NCAPD3: variants seen among roughly 807,000 people sequenced by gnomAD.
The protein encoded by NCAPD3 is non-SMC condensin II complex subunit D3.
Under a neutral mutation model 182.9 loss-of-function variants are expected in NCAPD3, and 105 were observed. That is an observed-to-expected ratio of 0.57 (90% CI 0.49 to 0.68). NCAPD3 has a LOEUF of 0.68. NCAPD3 is among the 30% of genes least tolerant of loss of function. NCAPD3 has a pLI of 0.00. For synonymous variants in NCAPD3, 815 were observed against 679.9 expected, an observed-to-expected ratio of 1.20 and a Z score of -3.09; for missense variants, 1,944 against 1,837.0, an observed-to-expected ratio of 1.06 and a Z score of -1.07.
At chr11:134,223,393 G>C (rs1289337778) in intron 1 of NCAPD3, 2 of 702,196 alleles carry the variant, frequency 2.8e-6, no homozygotes, top group Admixed American at 4.0e-5. Flanking sequence ...TGGGTTGGTG[G>C]CTTGGATGGT....
intron 28 of NCAPD3, among the ~76,000 whole-genome samples, chr11:134,161,179 T>G (rs1211167242): frequency 2.0e-5 from 3 of 152,152 alleles, no homozygotes; most frequent in African/African-American, 7.2e-5. Context: ...CTATAACTGC[T>G]GAATTAAAGA....
chr11:134,171,741 G>A (rs1944010823), intron 24 of NCAPD3, among the ~76,000 whole-genome samples: 1 of 152,052 alleles, frequency 6.6e-6, no homozygotes, highest in Non-Finnish European at 1.5e-5. Flanking sequence ...AGGTTCCACG[G>A]TGAATCAGGC....
chr11:134,153,399 C>T (rs767811824), intron 32 of NCAPD3, 36 bp from the exon 33 acceptor site: 13 of 1,603,054 alleles, frequency 8.1e-6, no homozygotes, highest in Non-Finnish European at 1.1e-5. Flanking sequence ...GTGAAAGCCG[C>T]GTGGTCTATC....
intron 24 of NCAPD3, chr11:134,173,235 T>TCAAA (rs1944062564): frequency 6.5e-6 from 1 of 153,290 alleles, no homozygotes; most frequent in Non-Finnish European, 1.5e-5. Context: ...AGTAGGGGGC[T>TCAAA]GCTGAGGAGG....
chr11:134,167,722 A>G (rs1280073841), intron 27 of NCAPD3, among the ~76,000 whole-genome samples: 3 of 94,718 alleles, frequency 3.2e-5, no homozygotes, highest in African/African-American at 4.3e-5. Context: ...AGCTTGGGGG[A>G]GGCGCACACT....
In NCAPD3 at chr11:134,209,480, A is replaced by G. The variant is rs751119326; in HGVS notation, c.568-3T>C. The G allele has an allele frequency of 6.2e-7, 1 of 1,607,780 alleles. No individual in the cohort carries two copies. Among genetic ancestry groups the G allele is most frequent in the South Asian group, 1.1e-5 (1 of 90,386 alleles). On this transcript the variant is annotated splice_region_variant and splice_polypyrimidine_tract_variant and intron_variant, in intron 4 of 34. Coordinates refer to ENST00000534548, the MANE Select transcript of NCAPD3 (RefSeq NM_015261.3). The stretch of plus-strand genomic sequence containing the variant: ...TGTTCTTCTATAATTTCATCCATCT[A>G]GATTATGAAGAAATGTACAGGTGAC...
At chr11:134,165,949 GAT>G (rs1177608695) in intron 27 of NCAPD3, among the ~76,000 whole-genome samples, 2 of 123,354 alleles carry the variant, frequency 1.6e-5, no homozygotes, top group Admixed American at 1.6e-4. Context: ...TCACTTGTGA[GAT>G]GAGCTTGGGG....
intron 27 of NCAPD3, among the ~76,000 whole-genome samples, chr11:134,164,744 C>T (rs1054296643): frequency 2.0e-5 from 3 of 150,224 alleles, no homozygotes; most frequent in Admixed American, 2.0e-4. Context: ...TAGGGAGCTT[C>T]ACACTCACTT....
intron 23 of NCAPD3, 150 bp from the exon 24 acceptor site, chr11:134,176,536 C>A: frequency 1.5e-6 from 1 of 651,366 alleles, no homozygotes; most frequent in Non-Finnish European, 2.7e-6. Flanking sequence ...AATGTAGTGC[C>A]GAGAAGTGTA....
At chr11:134,165,243 C>A (rs576379217) in intron 27 of NCAPD3, among the ~76,000 whole-genome samples, 7 of 145,086 alleles carry the variant, frequency 4.8e-5, no homozygotes, top group African/African-American at 1.8e-4. Flanking sequence ...GCAGCACGCT[C>A]ACTTGTGAGA....
chr11:134,186,289 C>T (rs1273876573), intron 16 of NCAPD3: 2 of 152,220 alleles, frequency 1.3e-5, no homozygotes, highest in African/African-American at 4.8e-5. Flanking sequence ...GCCTCCACCT[C>T]CTGGGTTCAA....
intron 20 of NCAPD3, among the ~76,000 whole-genome samples, chr11:134,179,295 G>A (rs1245085865): frequency 6.6e-6 from 1 of 152,114 alleles, no homozygotes; most frequent in African/African-American, 2.4e-5. Flanking sequence ...TTGTTTTTGT[G>A]TATAACTTTT....
At chr11:134,160,223 A>G in intron 28 of NCAPD3, 149 bp from the exon 29 acceptor site, 1 of 721,470 alleles carries the variant, frequency 1.4e-6, no homozygotes, top group Non-Finnish European at 2.2e-6. Context: ...GAAAGAAAAA[A>G]GCCCCCCAAG....
intron 2 of NCAPD3, among the ~76,000 whole-genome samples, chr11:134,218,827 TAC>T (rs1318220955): frequency 1.3e-5 from 2 of 152,158 alleles, no homozygotes; most frequent in East Asian, 1.9e-4. Flanking sequence ...GGATCACCAA[TAC>T]AGTCTCCCAA....
chr11:134,199,821 CCTCTCCTA>C (rs1192579253), intron 13 of NCAPD3, among the ~76,000 whole-genome samples: 3 of 152,142 alleles, frequency 2.0e-5, no homozygotes, highest in Non-Finnish European at 4.4e-5. Context: ...AATTATTTCC[CCTCTCCTA>C]CGCTAGAACG....
At position 134,151,986 on chromosome 11, in the gene NCAPD3, C is replaced by T. The variant is rs954942722; in HGVS notation, c.*958G>A. Reference sequence around the variant, plus strand: ...GATGGCAGTGGGCAGATCTCAGTGGCATCCCATCCCCCAAACCAACCAACG... The same window carrying T: ...GATGGCAGTGGGCAGATCTCAGTGGTATCCCATCCCCCAAACCAACCAACG... On this transcript the variant is annotated 3_prime_UTR_variant, in exon 35 of 35. Coordinates refer to ENST00000534548, the MANE Select transcript of NCAPD3 (RefSeq NM_015261.3). The T allele has an allele frequency of 6.6e-5, 10 of 152,314 alleles. No homozygotes were observed. The East Asian group carries it at 1.9e-3, about 29-fold the overall frequency. The allele number at this position is 152,314 out of a possible 1,614,324, so 9.4% of individuals were successfully genotyped here. A position where few individuals can be genotyped will look rare whatever the true frequency, so the allele number is the denominator to read the frequency against.
Position 134,152,088 on chromosome 11 carries a change from TGTTG to T in NCAPD3, c.*852_*855del, listed in dbSNP as rs1376947190. On this transcript the variant is annotated 3_prime_UTR_variant, in exon 35 of 35. Coordinates refer to ENST00000534548, the MANE Select transcript of NCAPD3 (RefSeq NM_015261.3). ...ACCAACTGCATTTCTTTCTGGATAT[TGTTG>T]AACAAAAATAGCATTCAGTTTACCC... 6.6e-6 allele frequency: 1 copy of T among 152,266 alleles called. No homozygotes were observed. Among genetic ancestry groups the T allele is most frequent in the Non-Finnish European group, 1.5e-5 (1 of 68,040 alleles). 9.4% of individuals were successfully genotyped at this position (152,266 alleles called of 1,614,324 possible).
intron 13 of NCAPD3, among the ~76,000 whole-genome samples, chr11:134,201,365 C>T (rs1944745212): frequency 6.6e-6 from 1 of 152,060 alleles, no homozygotes; most frequent in Admixed American, 6.6e-5. Flanking sequence ...TTACTGGTTG[C>T]CAGTGTTAGG....
chr11:134,181,718 A>AAG (rs1944301255), intron 19 of NCAPD3, among the ~76,000 whole-genome samples: 1 of 152,162 alleles, frequency 6.6e-6, no homozygotes, highest in African/African-American at 2.4e-5. Flanking sequence ...TATGCCAAGG[A>AAG]AGAGAGAGAG....
Sources: gnomAD v4.1 joint callset for allele counts (sites outside exome capture counted in the v4.1 genomes callset) on GRCh38, gnomAD v4.1.1 for gene constraint, MANE v1.5 for transcripts, NCBI Gene and HGNC (gene_info 2026-07-23, HGNC 2026-07-21) for gene names.